PIWIL3: variants seen among roughly 807,000 people sequenced by gnomAD.
PIWIL3 encodes piwi-like protein 3.
In PIWIL3, 101 loss-of-function variants were observed where a neutral mutation model predicts 109.7. The observed-to-expected ratio is 0.92, with a 90% CI of 0.78 to 1.09. PIWIL3 has a LOEUF of 1.09. Ranked by LOEUF, PIWIL3 falls within the 50% of genes least tolerant of loss-of-function variation. PIWIL3 has a pLI of 0.00. For missense variants in PIWIL3, 1,031 were observed against 1,072.6 expected (o/e 0.96, Z 0.54); for synonymous variants, 373 against 376.4 (o/e 0.99, Z 0.10).
At chr22:24,743,592 T>C (rs1601836069) in intron 12 of PIWIL3, among the ~76,000 whole-genome samples, 1 of 152,206 alleles carries the variant, frequency 6.6e-6, no homozygotes, top group Admixed American at 6.5e-5. Context: ...CATTGTTATC[T>C]TCTCACTCAT....
chr22:24,721,759 ATCTTT>A (rs576086451), intron 19 of PIWIL3, among the ~76,000 whole-genome samples: 151 of 152,182 alleles, frequency 9.9e-4, no homozygotes, highest in African/African-American at 3.4e-3. Context: ...TCCTTTTTAT[ATCTTT>A]TCTTATTTCA....
chr22:24,762,281 T>C (rs963158003), intron 2 of PIWIL3, 117 bp downstream of exon 2: 2 of 1,427,254 alleles, frequency 1.4e-6, no homozygotes, highest in Non-Finnish European at 1.8e-6. Flanking sequence ...TTATGAACTT[T>C]TATTAGTCCT....
chr22:24,731,229 A>T (rs1333463633), intron 14 of PIWIL3, among the ~76,000 whole-genome samples: 1 of 152,114 alleles, frequency 6.6e-6, no homozygotes, highest in Non-Finnish European at 1.5e-5. Context: ...AATGCCCCAA[A>T]CCTCCATGAT....
rs1465688894 is a variant in PIWIL3, at chr22:24,719,913, G to T, written c.2358-18C>A. On this transcript the variant is annotated intron_variant, in intron 19 of 20. Coordinates refer to ENST00000616349, the MANE Select transcript of PIWIL3 (RefSeq NM_001255975.1). ...AGTCATACCTGGAAATATAGGACAT[G>T]TGGGTATCAGCTCATTTTAGAAAGA... 6.3e-7 allele frequency: 1 copy of T among 1,593,276 alleles called. No homozygotes were observed. Among genetic ancestry groups the T allele is most frequent in the Non-Finnish European group, 8.6e-7 (1 of 1,164,100 alleles).
At chr22:24,756,044 C>T (rs1164699963) in intron 5 of PIWIL3, 139 bp from the exon 6 acceptor site, 15 of 867,338 alleles carry the variant, frequency 1.7e-5, no homozygotes, top group East Asian at 7.4e-5. Flanking sequence ...AAAGTACGTG[C>T]GTGTGGAAAA....
intron 19 of PIWIL3, among the ~76,000 whole-genome samples, chr22:24,722,412 T>A (rs1453016482): frequency 6.6e-6 from 1 of 151,390 alleles, no homozygotes; most frequent in Non-Finnish European, 1.5e-5. Flanking sequence ...AGAAAGACAT[T>A]TTAAAAATTG....
At chr22:24,760,796 A>AAAAAAAG in intron 2 of PIWIL3, among the ~76,000 whole-genome samples, 1 of 149,388 alleles carries the variant, frequency 6.7e-6, no homozygotes. Context: ...AAAAAAAAAA[A>AAAAAAAG]AAAAAAAGCT....
At position 24,751,451 on chromosome 22, in the gene PIWIL3, T is replaced by G. The variant is rs1291550078; in HGVS notation, c.1025A>C (p.Asn342Thr). The G allele has an allele frequency of 6.2e-7, 1 of 1,614,030 alleles. No homozygotes were observed. The highest frequency in any genetic ancestry group is 1.3e-5 in the African/African-American group (1 of 75,050). ...YRVDDIDWKQNPEDTFNKSDG... is the reference protein window; with the variant it reads ...YRVDDIDWKQTPEDTFNKSDG... ...TGATTTGTTAAATGTGTCTTCAGGA[T>G]TCTGCTTCCAATCAATATCATCTAC... The change falls in exon 9 of 21, where the codon AAT (asparagine) becomes ACT (threonine). Residue 342 changes from asparagine (N) to threonine (T), a missense_variant. By Grantham distance (65) the Asn-to-Thr change is moderately conservative. Coordinates refer to ENST00000616349, the MANE Select transcript of PIWIL3 (RefSeq NM_001255975.1).
chr22:24,762,203 A>G, intron 2 of PIWIL3, 195 bp downstream of exon 2: 1 of 1,022,104 alleles, frequency 9.8e-7, no homozygotes, highest in South Asian at 3.3e-5. Flanking sequence ...TGTGAGAAGG[A>G]AGCAGTGGAG....
chr22:24,752,244 G>T (rs1250817313), intron 8 of PIWIL3, among the ~76,000 whole-genome samples: 1 of 151,996 alleles, frequency 6.6e-6, no homozygotes, highest in African/African-American at 2.4e-5. Context: ...AAATCAAGCT[G>T]CAAACATAGA....
chr22:24,734,848 C>A (rs13054577), intron 13 of PIWIL3, among the ~76,000 whole-genome samples: 32,672 of 130,766 alleles, frequency 0.25, 4,124 homozygotes, highest in Admixed American at 0.39. Context: ...GAAAAAAAAA[C>A]CAAAAAAAAC....
At chr22:24,729,050 G>T (rs1447181397) in intron 14 of PIWIL3, among the ~76,000 whole-genome samples, 1 of 152,180 alleles carries the variant, frequency 6.6e-6, no homozygotes, top group Non-Finnish European at 1.5e-5. Flanking sequence ...AGGCTCCCAG[G>T]AAAGTTTCCT....
At chr22:24,765,953 A>C (rs1925763680) in intron 1 of PIWIL3, among the ~76,000 whole-genome samples, 1 of 151,702 alleles carries the variant, frequency 6.6e-6, no homozygotes, top group Non-Finnish European at 1.5e-5. Flanking sequence ...TCCATTTCCC[A>C]CATCTTTCCT....
At chr22:24,772,941 C>T (rs1000452882) in intron 1 of PIWIL3, among the ~76,000 whole-genome samples, 2 of 152,164 alleles carry the variant, frequency 1.3e-5, no homozygotes, top group Non-Finnish European at 2.9e-5. Context: ...GCGTCCTTCT[C>T]CCTCCCCAGG....
At chr22:24,759,773 G>A (rs748209256) in intron 3 of PIWIL3, 96 bp downstream of exon 3, 33 of 1,554,842 alleles carry the variant, frequency 2.1e-5, no homozygotes, top group East Asian at 1.1e-4. Context: ...CAAACCTCAC[G>A]GGAGTCCTGA....
At chr22:24,732,775 G>A (rs368849455) in intron 14 of PIWIL3, among the ~76,000 whole-genome samples, 11 of 152,228 alleles carry the variant, frequency 7.2e-5, no homozygotes, top group East Asian at 5.8e-4. Context: ...CCGAGATCAC[G>A]CCACTGCAGT....
At chr22:24,756,434 T>C (rs1007346753) in intron 5 of PIWIL3, 57 bp downstream of exon 5, 16 of 1,502,064 alleles carry the variant, frequency 1.1e-5, no homozygotes, top group African/African-American at 7.0e-5. Flanking sequence ...TGTTTTATTA[T>C]AATAAAGTGA....
At chr22:24,727,705 C>A (rs925813243) in intron 16 of PIWIL3, among the ~76,000 whole-genome samples, 8 of 152,164 alleles carry the variant, frequency 5.3e-5, no homozygotes, top group African/African-American at 1.9e-4. Flanking sequence ...TAAAGACAGG[C>A]ATTGTCATAA....
At position 24,739,378 on chromosome 22, in the gene PIWIL3, A is replaced by G. The variant is rs115418975; in HGVS notation, c.1450-3486T>C. ...GTTACAGTAGATTTCACCCATAGAC[A>G]ACTACTTCAAGGCATTTGATAATCA... On this transcript the variant is annotated intron_variant, in intron 12 of 20. Transcript: ENST00000616349. 4.3e-3 allele frequency among the ~76,000 whole-genome samples: 648 copies of G among 152,318 alleles called. 4 individuals are homozygous for G. The highest frequency in any genetic ancestry group is 0.015 in the African/African-American group (619 of 41,586).
Sources: gnomAD v4.1 joint callset for allele counts (sites outside exome capture counted in the v4.1 genomes callset) on GRCh38, gnomAD v4.1.1 for gene constraint, MANE v1.5 for transcripts, NCBI Gene and HGNC (gene_info 2026-07-23, HGNC 2026-07-21) for gene names.